EPPK1: variants seen among roughly 807,000 people sequenced by gnomAD.
EPPK1 encodes the protein epiplakin.
For synonymous variants in EPPK1, 1,862 were observed against 1,721.2 expected (o/e 1.08, Z -2.03); for missense variants, 3,823 against 3,673.3 (o/e 1.04, Z -1.05).
Position 143,859,347 on chromosome 8 carries a change from C to CGGGCCT in EPPK1, c.13901_13906dup (p.Gln4634_Ala4635dup), listed in dbSNP as rs1174113496. The stretch of plus-strand genomic sequence containing the variant: ...CCCGGCCTCGGCCTCGGCCTCGGCC[C>CGGGCCT]GGGCCTGGGCCTGGGCCTGGGCCAG... On this transcript the variant is annotated inframe_insertion, in exon 2 of 2. Transcript: ENST00000615648. 16 of 289,972 alleles carry CGGGCCT rather than the reference C, an allele frequency of 5.5e-5. 1 individual carries two copies. Among genetic ancestry groups the CGGGCCT allele is most frequent in the Admixed American group, 2.1e-4 (3 of 14,450 alleles). 18.0% of individuals were successfully genotyped at this position (289,972 alleles called of 1,614,324 possible).
In EPPK1 at chr8:143,857,920, C is replaced by CCCAAAAAAA; in HGVS notation, c.*66_*67insTTTTTTTGG. On this transcript the variant is annotated 3_prime_UTR_variant, in exon 2 of 2. Coordinates refer to ENST00000615648, the MANE Select transcript of EPPK1 (RefSeq NM_031308.4). ...ACAAAAAAAAAAAAAAAAAAAAAAA[C>CCCAAAAAAA]AACCCAGACACACAAGTATGCCTCC... The CCCAAAAAAA allele has an allele frequency of 6.3e-6, 2 of 319,416 alleles. No homozygotes were observed. The highest frequency in any genetic ancestry group is 6.0e-5 in the East Asian group (1 of 16,704). 19.8% of individuals were successfully genotyped at this position (319,416 alleles called of 1,614,324 possible). A position where few individuals can be genotyped will look rare whatever the true frequency, so the allele number is the denominator to read the frequency against.
rs373331126 is a variant in EPPK1, at chr8:143,866,648, C to T, written c.6606G>A (p.Thr2202=). ...ITEEMLQDLE[T]GRSTTQELME... is the part of the protein sequence containing the mutation. Reference sequence around the variant, plus strand: ...TGAGCTCTTGCGTCGTGCTCCGTCCCGTTTCCAGGTCCTGGAGCATTTCCT... The same window carrying T: ...TGAGCTCTTGCGTCGTGCTCCGTCCTGTTTCCAGGTCCTGGAGCATTTCCT... Residue 2202 remains threonine (T), a synonymous_variant, in exon 2 of 2, where the codon ACG becomes ACA. Transcript: ENST00000615648. The T allele has an allele frequency of 4.8e-4, 769 of 1,612,958 alleles. No individual in the cohort carries two copies. The highest frequency in any genetic ancestry group is 5.9e-4 in the Non-Finnish European group (691 of 1,179,888).
At position 143,866,773 on chromosome 8, in the gene EPPK1, A is replaced by C. The variant is rs115688173; in HGVS notation, c.6481T>G (p.Leu2161Val). The change falls in exon 2 of 2, where the codon TTG (leucine) becomes GTG (valine). Residue 2161 changes from leucine (L) to valine (V), a missense_variant. Coordinates refer to ENST00000615648, the MANE Select transcript of EPPK1 (RefSeq NM_031308.4). ...TTGCTGGTTTCCTGCTTCTCGATCA[A>C]CTCTAAGATGAGCTGCGCTACCGTC... Reference protein sequence around the residue: ...LQTVAQLILELIEKQETSNKH... With the variant: ...LQTVAQLILEVIEKQETSNKH... 1 of 1,613,072 alleles carries C rather than the reference A, an allele frequency of 6.2e-7. No individual in the cohort carries two copies. The highest frequency in any genetic ancestry group is 1.1e-5 in the South Asian group (1 of 91,056).
rs782562924 is a variant in EPPK1, at chr8:143,869,512, C to A, written c.3742G>T (p.Val1248Leu). Residue 1248 changes from valine (V) to leucine (L), a missense_variant, in exon 2 of 2, where the codon GTG (valine) becomes TTG (leucine). Coordinates refer to ENST00000615648, the MANE Select transcript of EPPK1 (RefSeq NM_031308.4). ...VKACLWGTGC[V>L]AGVLLQPSGA... is the part of the protein sequence containing the mutation. Reference sequence around the variant, plus strand: ...GAGGGCTGTAGCAGCACACCGGCCACGCAGCCTGTGCCCCACAGGCAGGCC... The same window carrying A: ...GAGGGCTGTAGCAGCACACCGGCCAAGCAGCCTGTGCCCCACAGGCAGGCC... The A allele has an allele frequency of 6.5e-7, 1 of 1,549,840 alleles. No individual in the cohort carries two copies. Among genetic ancestry groups the A allele is most frequent in the East Asian group, 2.3e-5 (1 of 43,796 alleles).
Position 143,867,983 on chromosome 8 carries a change from T to G in EPPK1, c.5271A>C (p.Leu1757=), listed in dbSNP as rs782047673. 1 of 1,613,546 alleles carries G rather than the reference T, an allele frequency of 6.2e-7. No individual in the cohort carries two copies. The highest frequency in any genetic ancestry group is 1.3e-5 in the African/African-American group (1 of 74,904). Residue 1757 remains leucine, a synonymous_variant, in exon 2 of 2, where the codon CTA becomes CTC. Coordinates refer to ENST00000615648, the MANE Select transcript of EPPK1 (RefSeq NM_031308.4). The stretch of plus-strand genomic sequence containing the variant: ...AGTTTTCTCCTTTCTTTATGATTTG[T>G]AGCAGGTACAGGCCCGTCTCGGGGT... ...VEDPETGLYL[L]QIIKKGENYV...
Position 143,874,879 on chromosome 8 carries a change from C to T in EPPK1, c.-45-1581G>A, listed in dbSNP as rs376527667. On this transcript the variant is annotated intron_variant, in intron 1 of 1. Coordinates refer to ENST00000615648, the MANE Select transcript of EPPK1 (RefSeq NM_031308.4). ...GGTCGGATCCCACGTTTGACCCCCA[C>T]CCCCACTCCACCGCTCTTGAGGCAG... 8.5e-5 allele frequency among the ~76,000 whole-genome samples: 13 copies of T among 152,254 alleles called. No homozygotes were observed. In the East Asian group the frequency reaches 2.5e-3, roughly 29 times the overall value.
intron 1 of EPPK1, among the ~76,000 whole-genome samples, chr8:143,874,004 G>A (rs541529692): frequency 6.6e-5 from 10 of 152,284 alleles, no homozygotes; most frequent in African/African-American, 2.2e-4. Flanking sequence ...TCACATCTGC[G>A]AGCACCACGG....
rs1563883045 is a variant in EPPK1 at position 143,868,962 on chromosome 8, AG to A, written c.4291del (p.Leu1431CysfsTer20). On this transcript the variant is annotated frameshift_variant, in exon 2 of 2. Transcript: ENST00000615648. LOFTEE classifies it low-confidence loss of function (END_TRUNC). ...CACTGTGTCTGAGGGCAGTGGCAAC[AG>A]CAACAATCCGGTCTCGGAGTCGCAC... ...CVCDSETGLL[L>X]LPLPSDTVLE... is the part of the protein sequence containing the mutation. The A allele has an allele frequency of 6.2e-7, 1 of 1,610,680 alleles. No homozygotes were observed. Among genetic ancestry groups the A allele is most frequent in the Non-Finnish European group, 8.5e-7 (1 of 1,179,828 alleles).
In EPPK1 at chr8:143,870,878, GCC is replaced by G. The variant is rs782558925; in HGVS notation, c.2374_2375del (p.Gly792ProfsTer48). The G allele has an allele frequency of 1.2e-6, 2 of 1,613,056 alleles. No individual in the cohort carries two copies. The highest frequency in any genetic ancestry group is 1.7e-6 in the Non-Finnish European group (2 of 1,179,946). ...TGCTGCTGAGTGGCAGGAGGTACAG[GCC>G]CGTCTCGGGGTCACGCACACAGCGC... The part of the protein sequence containing the change: ...LERCVRDPET[G>X]LYLLPLSSTQ... On this transcript the variant is annotated frameshift_variant, in exon 2 of 2. Transcript: ENST00000615648. LOFTEE classifies it low-confidence loss of function (END_TRUNC). The surrounding 1 kb of genome is among the most constrained non-coding windows in gnomAD (Gnocchi z 5.2).
chr8:143,873,824 C>T (rs1188313763), intron 1 of EPPK1, among the ~76,000 whole-genome samples: 7 of 152,052 alleles, frequency 4.6e-5, no homozygotes, highest in Non-Finnish European at 7.4e-5. Flanking sequence ...AAACCTCCCA[C>T]CCCACCTGGA....
rs1476365031 is a variant in EPPK1, at chr8:143,857,425, C to T, written c.*562G>A. The T allele has an allele frequency of 1.3e-5, 2 of 152,904 alleles. No individual in the cohort carries two copies. Among genetic ancestry groups the T allele is most frequent in the African/African-American group, 4.8e-5 (2 of 41,468 alleles). The allele number at this position is 152,904 out of a possible 1,614,324, so 9.5% of individuals were successfully genotyped here. On this transcript the variant is annotated 3_prime_UTR_variant, in exon 2 of 2. Transcript: ENST00000615648. ...TCAGTCAACGCTAGTGAGGTCACAC[C>T]TCTAAGGTGGAGCAGCAGCCAATGG...
rs2130640466 is a variant in EPPK1 at position 143,870,389 on chromosome 8, C to T, written c.2865G>A (p.Leu955=). ...GCAGGGCCAGGGCCACCCTGGGCCC[C>T]AGCAGCTTCTGCCTCATGGCCTGGT... ...SLYQAMRQKL[L]GPRVALALLE... Residue 955 remains leucine (L), a synonymous_variant, in exon 2 of 2, where the codon CTG becomes CTA. Coordinates refer to ENST00000615648, the MANE Select transcript of EPPK1 (RefSeq NM_031308.4). This position sits in a 1 kb window ranked among gnomAD's most constrained non-coding sequence, Gnocchi z 5.2. 1 of 1,574,846 alleles carries T rather than the reference C, an allele frequency of 6.3e-7. No homozygotes were observed. The highest frequency in any genetic ancestry group is 8.6e-7 in the Non-Finnish European group (1 of 1,166,144).
chr8:143,872,299 G>A lies in EPPK1; in HGVS notation c.955C>T (p.Leu319=), dbSNP rs1554661504. Residue 319 remains leucine (L), a synonymous_variant, in exon 2 of 2, where the codon CTA becomes TTA. Transcript: ENST00000615648. The part of the protein sequence containing the change: ...LLPMGTALPL[L]EAQAATHTLV... ...GTGTGGGTGGCAGCCTGGGCCTCTA[G>A]GAGTGGCAGCGCGGTGCCCATTGGG... 6.2e-7 allele frequency: 1 copy of A among 1,603,584 alleles called. No homozygotes were observed.
Position 143,869,458 on chromosome 8 carries a change from C to T in EPPK1, c.3796G>A (p.Val1266Met), listed in dbSNP as rs375839328. Residue 1266 changes from valine to methionine, a missense_variant, in exon 2 of 2, where the codon GTG (valine) becomes ATG (methionine). Transcript: ENST00000615648. ...CCTGTGGGCAGGAGGCCATCCCTCA[C>T]GGCCTGGGCGATGCTGGCCTTGGCC... ...SGAKASIAQAVRDGLLPTGLG... is the reference protein window; with the variant it reads ...SGAKASIAQAMRDGLLPTGLG... 7.7e-6 allele frequency: 12 copies of T among 1,562,306 alleles called. No homozygotes were observed. Among genetic ancestry groups the T allele is most frequent in the African/African-American group, 6.8e-5 (5 of 73,598 alleles).
chr8:143,870,806 G>A lies in EPPK1; in HGVS notation c.2448C>T (p.Asn816=), dbSNP rs1263187082. The part of the protein sequence containing the change: ...VDSATQQAFQ[N]LLLSVKYGRF... ...GTCCATACTTCACGGAGAGCAGCAGGTTCTGGAAGGCCTGCTGGGTGGCAC... is the reference window on the plus strand; with the variant it reads ...GTCCATACTTCACGGAGAGCAGCAGATTCTGGAAGGCCTGCTGGGTGGCAC... The change falls in exon 2 of 2, where the codon AAC becomes AAT. Residue 816 remains asparagine, a synonymous_variant. Coordinates refer to ENST00000615648, the MANE Select transcript of EPPK1 (RefSeq NM_031308.4). This position sits in a 1 kb window ranked among gnomAD's most constrained non-coding sequence, Gnocchi z 5.2. The A allele has an allele frequency of 1.2e-5, 20 of 1,612,680 alleles. No homozygotes were observed. Among genetic ancestry groups the A allele is most frequent in the Non-Finnish European group, 1.7e-5 (20 of 1,179,870 alleles).
rs782598709 is a variant in EPPK1 at position 143,870,018 on chromosome 8, C to G, written c.3236G>C (p.Ser1079Thr). The change falls in exon 2 of 2, where the codon AGC becomes ACC. Residue 1079 changes from serine (S) to threonine (T), a missense_variant. Ser to Thr is a moderately conservative substitution (Grantham distance 58). Transcript: ENST00000615648. This position sits in a 1 kb window ranked among gnomAD's most constrained non-coding sequence, Gnocchi z 5.2. ...VDQEMETALS[S>T]SSETFPTPDG... is the part of the protein sequence containing the mutation. ...CGGTGTGGGGAAGGTTTCGGAGGAG[C>G]TGGACAAGGCTGTCTCCATCTCCTG... 7 of 1,610,126 alleles carry G rather than the reference C, an allele frequency of 4.3e-6. No homozygotes were observed. Among genetic ancestry groups the G allele is most frequent in the Admixed American group, 1.7e-5 (1 of 59,626 alleles).
Position 143,870,491 on chromosome 8 carries a change from G to A in EPPK1, c.2763C>T (p.Gly921=), listed in dbSNP as rs375984049. The change falls in exon 2 of 2, where the codon GGC becomes GGT. Residue 921 remains glycine (G), a synonymous_variant. Coordinates refer to ENST00000615648, the MANE Select transcript of EPPK1 (RefSeq NM_031308.4). The surrounding 1 kb of genome is among the most constrained non-coding windows in gnomAD (Gnocchi z 5.2). ...CCAGGCCGCACAGGTACCTGCGGACGCCGTCCATGAGTAGGAGGGCCTCCG... is the reference window on the plus strand; with the variant it reads ...CCAGGCCGCACAGGTACCTGCGGACACCGTCCATGAGTAGGAGGGCCTCCG... ...ISPEALLLMD[G]VRRYLCGLGA... The A allele has an allele frequency of 8.0e-4, 1,282 of 1,605,430 alleles. 9 individuals carry two copies. In the African/African-American group the frequency reaches 0.01, roughly 13 times the overall value.
chr8:143,870,083 G>A lies in EPPK1; in HGVS notation c.3171C>T (p.His1057=). ...GGIIDPTSHH[H]LPMPVAIQRG... is the part of the protein sequence containing the mutation. ...GCTGAATGGCCACTGGCATGGGGAGGTGGTGGTGGCTGGTGGGGTCAATGA... is the reference window on the plus strand; with the variant it reads ...GCTGAATGGCCACTGGCATGGGGAGATGGTGGTGGCTGGTGGGGTCAATGA... The change falls in exon 2 of 2, where the codon CAC becomes CAT. Residue 1057 remains histidine, a synonymous_variant. Coordinates refer to ENST00000615648, the MANE Select transcript of EPPK1 (RefSeq NM_031308.4). This position sits in a 1 kb window ranked among gnomAD's most constrained non-coding sequence, Gnocchi z 5.2. 1 of 1,610,800 alleles carries A rather than the reference G, an allele frequency of 6.2e-7. No individual in the cohort carries two copies. Among genetic ancestry groups the A allele is most frequent in the East Asian group, 2.2e-5 (1 of 44,804 alleles).
intron 1 of EPPK1, among the ~76,000 whole-genome samples, chr8:143,878,086 G>A (rs1477773271): frequency 2.0e-5 from 3 of 152,028 alleles, no homozygotes; most frequent in African/African-American, 7.2e-5. Context: ...GGCGGTCCTC[G>A]CTGCAGGGAA....
Sources: gnomAD v4.1 joint callset for allele counts (sites outside exome capture counted in the v4.1 genomes callset) on GRCh38, gnomAD v4.1.1 for gene constraint, Gnocchi (gnomAD v3.1) non-coding constraint, MANE v1.5 for transcripts, NCBI Gene and HGNC (gene_info 2026-07-23, HGNC 2026-07-21) for gene names.